Variants in PDSS2 observed in about 807,000 individuals in gnomAD.
The protein encoded by PDSS2 is decaprenyl diphosphate synthase subunit 2, also known as all trans-polyprenyl-diphosphate synthase PDSS2.
Under a neutral mutation model 44.5 loss-of-function variants are expected in PDSS2, and 31 were observed. That is an observed-to-expected ratio of 0.70 (90% CI 0.52 to 0.94). The LOEUF (loss-of-function observed/expected upper bound fraction) is 0.94, where lower values mean the gene tolerates loss of function less well. Among genes scored for constraint, PDSS2 ranks in the 40% least tolerant of loss-of-function variants. The pLI is 0.00. For synonymous variants in PDSS2, 157 were observed against 180.3 expected, an observed-to-expected ratio of 0.87 and a Z score of 1.03; for missense variants, 452 against 482.2, an observed-to-expected ratio of 0.94 and a Z score of 0.59.
In PDSS2 at chr6:107,266,299, C is replaced by T. The variant is rs186704292; in HGVS notation, c.630+7730G>A. The stretch of plus-strand genomic sequence containing the variant: ...ATCATCTATTACGATTAAAAGAGAG[C>T]TACTAAAAGCCTTGATTTGGAGAAG... On this transcript the variant is annotated intron_variant, in intron 3 of 7. Coordinates refer to ENST00000369037, the MANE Select transcript of PDSS2 (RefSeq NM_020381.4). 5.0e-4 allele frequency among the ~76,000 whole-genome samples: 76 copies of T among 152,052 alleles called. 1 individual carries two copies. The highest frequency in any genetic ancestry group is 3.1e-3 in the East Asian group (16 of 5,180).
At chr6:107,320,710 A>T (rs1185107499) in intron 2 of PDSS2, among the ~76,000 whole-genome samples, 1 of 152,226 alleles carries the variant, frequency 6.6e-6, no homozygotes, top group East Asian at 1.9e-4. Context: ...AGCCCCACCA[A>T]AATCCACATT....
intron 2 of PDSS2, among the ~76,000 whole-genome samples, chr6:107,316,616 G>A (rs1160117491): frequency 3.9e-5 from 6 of 152,024 alleles, no homozygotes; most frequent in Non-Finnish European, 7.4e-5. Context: ...TAGTATAACA[G>A]ATTTCTTTTT....
chr6:107,398,889 C>T (rs1780025281), intron 1 of PDSS2, among the ~76,000 whole-genome samples: 2 of 152,196 alleles, frequency 1.3e-5, no homozygotes, highest in Admixed American at 6.5e-5. Flanking sequence ...GCTTCCCTCT[C>T]TAGACTTTCA....
intron 7 of PDSS2, among the ~76,000 whole-genome samples, chr6:107,186,626 C>T (rs1464840551): frequency 2.0e-5 from 3 of 152,080 alleles, no homozygotes; most frequent in Admixed American, 6.5e-5. Context: ...TACCCCCCAA[C>T]AGGCCCTGGT....
intron 1 of PDSS2, among the ~76,000 whole-genome samples, chr6:107,439,606 T>C (rs930712309): frequency 3.3e-5 from 5 of 152,238 alleles, no homozygotes; most frequent in Admixed American, 2.6e-4. Flanking sequence ...AGTGTACCAC[T>C]GTTGCATAAC....
intron 1 of PDSS2, among the ~76,000 whole-genome samples, chr6:107,348,709 A>G (rs80168677): frequency 0.01 from 1,586 of 152,344 alleles, 27 homozygotes; most frequent in African/African-American, 0.036. Context: ...AACAACAGAC[A>G]AATAATAAAT....
At chr6:107,394,234 C>T (rs1323665677) in intron 1 of PDSS2, among the ~76,000 whole-genome samples, 1 of 152,004 alleles carries the variant, frequency 6.6e-6, no homozygotes, top group Non-Finnish European at 1.5e-5. Flanking sequence ...ATTTTACTTA[C>T]TGTATTAGTC....
At chr6:107,458,692 A>C (rs554466355) in intron 1 of PDSS2, among the ~76,000 whole-genome samples, 1 of 152,136 alleles carries the variant, frequency 6.6e-6, no homozygotes, top group East Asian at 1.9e-4. Flanking sequence ...ATAAACCTAC[A>C]TCTCCGCTCG....
At chr6:107,291,555 G>GGC (rs1410382183) in intron 2 of PDSS2, among the ~76,000 whole-genome samples, 1 of 149,806 alleles carries the variant, frequency 6.7e-6, no homozygotes, top group Non-Finnish European at 1.5e-5. Context: ...TAGAGACGGG[G>GGC]GGGTCTCACT....
intron 2 of PDSS2, among the ~76,000 whole-genome samples, chr6:107,288,872 C>T (rs1776249602): frequency 6.7e-6 from 1 of 148,740 alleles, no homozygotes; most frequent in Non-Finnish European, 1.5e-5. Flanking sequence ...CGATTCTCTG[C>T]CTCAGCCTCC....
At chr6:107,426,528 C>T (rs904651745) in intron 1 of PDSS2, among the ~76,000 whole-genome samples, 4 of 152,142 alleles carry the variant, frequency 2.6e-5, no homozygotes, top group African/African-American at 7.2e-5. Context: ...AGAAGAGGGC[C>T]ACCATTCTCC....
chr6:107,426,859 C>T (rs1781021854), intron 1 of PDSS2, among the ~76,000 whole-genome samples: 1 of 152,076 alleles, frequency 6.6e-6, no homozygotes, highest in South Asian at 2.1e-4. Context: ...TGCCTGTACC[C>T]CCATTGTATC....
chr6:107,457,902 C>T lies in PDSS2; in HGVS notation c.296+1088G>A, dbSNP rs536203044. Among the ~76,000 whole-genome samples the T allele has an allele frequency of 1.1e-4, 17 of 152,074 alleles. No individual in the cohort carries two copies. The South Asian group carries it at 3.1e-3, about 28-fold the overall frequency. ...ACTTACGTAGGAGATTACTGCTATG[C>T]TTAGGAAATACATACTGAAGTATTT... On this transcript the variant is annotated intron_variant, in intron 1 of 7. Transcript: ENST00000369037.
chr6:107,242,993 A>G (rs1189529629), intron 4 of PDSS2, among the ~76,000 whole-genome samples: 1 of 152,236 alleles, frequency 6.6e-6, no homozygotes, highest in Middle Eastern at 3.2e-3. Flanking sequence ...GAAGGTTAGC[A>G]TTCCTCTGAA....
At chr6:107,168,647 C>T (rs1192974103) in intron 7 of PDSS2, among the ~76,000 whole-genome samples, 1 of 151,424 alleles carries the variant, frequency 6.6e-6, no homozygotes, top group Non-Finnish European at 1.5e-5. Flanking sequence ...GTGCTTCCTT[C>T]AGGAGCTCTT....
chr6:107,400,165 G>A (rs2114582703), intron 1 of PDSS2, among the ~76,000 whole-genome samples: 1 of 152,240 alleles, frequency 6.6e-6, no homozygotes, highest in East Asian at 1.9e-4. Flanking sequence ...GTGTCAGGGA[G>A]CAGTGGAGAG....
chr6:107,279,853 G>C (rs889296498), intron 2 of PDSS2, among the ~76,000 whole-genome samples: 4 of 152,096 alleles, frequency 2.6e-5, no homozygotes, highest in African/African-American at 9.7e-5. Flanking sequence ...ATCATATTTT[G>C]TAAGAGTACA....
intron 4 of PDSS2, among the ~76,000 whole-genome samples, chr6:107,237,293 G>C (rs868081684): frequency 1.7e-4 from 26 of 151,734 alleles, no homozygotes; most frequent in Admixed American, 3.3e-4. Context: ...GTCCAGACTG[G>C]AGTGCAATGG....
intron 4 of PDSS2, among the ~76,000 whole-genome samples, chr6:107,237,392 C>T (rs1582828960): frequency 1.3e-5 from 2 of 151,956 alleles, no homozygotes; most frequent in South Asian, 4.2e-4. Context: ...TACAGGCACC[C>T]ACCCCCACAC....
Sources: gnomAD v4.1 joint callset for allele counts (sites outside exome capture counted in the v4.1 genomes callset) on GRCh38, gnomAD v4.1.1 for gene constraint, MANE v1.5 for transcripts, NCBI Gene and HGNC (gene_info 2026-07-23, HGNC 2026-07-21) for gene names.